PCSK5: variants seen among roughly 807,000 people sequenced by gnomAD.
PCSK5 encodes proprotein convertase subtilisin/kexin type 5, also known as prohormone convertase 5.
Under a neutral mutation model 233.2 loss-of-function variants are expected in PCSK5, and 129 were observed. That is an observed-to-expected ratio of 0.55 (90% CI 0.48 to 0.64). PCSK5 has a LOEUF of 0.64. PCSK5 is among the 30% of genes least tolerant of loss of function. The pLI, the probability that PCSK5 is intolerant of heterozygous loss-of-function variation, is 0.00. For synonymous variants in PCSK5, 825 were observed against 879.2 expected (o/e 0.94, Z 1.09); for missense variants, 2,076 against 2,430.1 (o/e 0.85, Z 3.06).
At chr9:76,235,706 A>T (rs1426211217) in intron 22 of PCSK5, among the ~76,000 whole-genome samples, 2 of 152,224 alleles carry the variant, frequency 1.3e-5, no homozygotes. Context: ...ATCCTATCCC[A>T]GATCAGAGAA....
At chr9:75,986,990 A>G (rs1418862318) in intron 3 of PCSK5, among the ~76,000 whole-genome samples, 2 of 152,194 alleles carry the variant, frequency 1.3e-5, no homozygotes, top group East Asian at 3.8e-4. Context: ...TAATGTGTAA[A>G]TCACCCTTTA....
At chr9:76,158,962 C>CA in intron 11 of PCSK5, 21 bp from the exon 12 acceptor site, 1 of 1,604,614 alleles carries the variant, frequency 6.2e-7, no homozygotes, top group South Asian at 1.1e-5. Context: ...TGCTCAAACT[C>CA]TCCATCTCTC....
intron 10 of PCSK5, among the ~76,000 whole-genome samples, chr9:76,147,714 T>C (rs1823497123): frequency 2.0e-5 from 3 of 152,162 alleles, no homozygotes; most frequent in African/African-American, 4.8e-5. Context: ...GGAAGTGCCA[T>C]CCTTAGAAGA....
rs753038865 is a variant in PCSK5 at position 76,358,469 on chromosome 9, A to G, written c.5255-44A>G. The stretch of plus-strand genomic sequence containing the variant: ...TAATTTTCTCTATTCTATTTCTTTC[A>G]CTTTTTCCCTCTTGCCTCTTCCTTT... On this transcript the variant is annotated intron_variant, in intron 37 of 37. Transcript: ENST00000674117. The G allele has an allele frequency of 1.0e-5, 15 of 1,498,520 alleles. No individual in the cohort carries two copies. In the Admixed American group the frequency reaches 3.0e-4, roughly 30 times the overall value. The allele number at this position is 1,498,520 out of a possible 1,614,324, so 92.8% of individuals were successfully genotyped here.
intron 1 of PCSK5, among the ~76,000 whole-genome samples, chr9:75,913,188 C>G (rs1345870099): frequency 6.6e-6 from 1 of 152,160 alleles, no homozygotes; most frequent in African/African-American, 2.4e-5. Context: ...CTGGCTGTTC[C>G]CACAGAGCTC....
At chr9:76,040,540 C>A (rs559410527) in intron 5 of PCSK5, among the ~76,000 whole-genome samples, 1 of 152,248 alleles carries the variant, frequency 6.6e-6, no homozygotes, top group Non-Finnish European at 1.5e-5. Context: ...TTCTGCTTAA[C>A]TCAGTCAGTT....
intron 8 of PCSK5, among the ~76,000 whole-genome samples, chr9:76,097,303 A>ACTGC (rs1435899350): frequency 9.4e-6 from 1 of 106,374 alleles, no homozygotes; most frequent in African/African-American, 4.2e-5. Flanking sequence ...CCCAGGCGGG[A>ACTGC]CTGCGGACTG....
At chr9:75,993,855 C>T (rs1826879067) in intron 3 of PCSK5, among the ~76,000 whole-genome samples, 1 of 152,188 alleles carries the variant, frequency 6.6e-6, no homozygotes, top group African/African-American at 2.4e-5. Context: ...ACCAGGGAAG[C>T]TCATTAGAGA....
intron 1 of PCSK5, among the ~76,000 whole-genome samples, chr9:75,926,937 A>T (rs1823519716): frequency 6.6e-6 from 1 of 152,158 alleles, no homozygotes; most frequent in South Asian, 2.1e-4. Flanking sequence ...GTGAACGTTT[A>T]TGAGTTTTGT....
chr9:76,188,946 G>A (rs527573314), intron 18 of PCSK5, 148 bp from the exon 19 acceptor site: 1 of 737,140 alleles, frequency 1.4e-6, no homozygotes, highest in Non-Finnish European at 2.1e-6. Context: ...AACTTTGAAG[G>A]CTTTTTTCCC....
At chr9:76,007,117 T>G (rs1458486915) in intron 3 of PCSK5, among the ~76,000 whole-genome samples, 1 of 152,212 alleles carries the variant, frequency 6.6e-6, no homozygotes, top group African/African-American at 2.4e-5. Context: ...TTGTAATTAG[T>G]TTTTATTTCT....
intron 5 of PCSK5, among the ~76,000 whole-genome samples, chr9:76,052,269 A>G (rs1221260307): frequency 2.0e-5 from 3 of 152,186 alleles, no homozygotes; most frequent in Non-Finnish European, 4.4e-5. Flanking sequence ...AAACATATAT[A>G]CATACATAAA....
chr9:76,248,315 G>T (rs943808205), intron 24 of PCSK5, among the ~76,000 whole-genome samples: 5 of 151,996 alleles, frequency 3.3e-5, no homozygotes, highest in African/African-American at 1.2e-4. Flanking sequence ...AGTGTGAATG[G>T]ACTCCCACTA....
chr9:76,310,892 T>C, intron 30 of PCSK5, 41 bp downstream of exon 30: 1 of 1,326,882 alleles, frequency 7.5e-7, no homozygotes, highest in Non-Finnish European at 1.0e-6. Flanking sequence ...TTGTAATCAC[T>C]CTCCTCTGGT....
rs1296532485 is a variant in PCSK5, at chr9:76,023,747, G to A, written c.421G>A (p.Asp141Asn). ...GCTCTTCTTCTTTCAGCACTGCAGT[G>A]ACAATACACATCCCTGCCAGTCTGA... ...WPSMWYMHCS[D>N]NTHPCQSDMN... Residue 141 changes from aspartate (D) to asparagine (N), a missense_variant, in exon 4 of 38, where the codon GAC becomes AAC. Transcript: ENST00000674117. The A allele has an allele frequency of 3.7e-6, 6 of 1,611,532 alleles. No homozygotes were observed. The highest frequency in any genetic ancestry group is 5.1e-6 in the Non-Finnish European group (6 of 1,178,760).
chr9:75,890,159 G>T (rs79267113), upstream of PCSK5, among the ~76,000 whole-genome samples: 1,598 of 152,302 alleles, frequency 0.01, 20 homozygotes, highest in Non-Finnish European at 0.016. Context: ...GAGTCGATGC[G>T]ACTTACTGTC....
chr9:76,219,740 G>GAAA (rs1825661655), intron 20 of PCSK5, among the ~76,000 whole-genome samples: 4 of 152,216 alleles, frequency 2.6e-5, no homozygotes, highest in Non-Finnish European at 5.9e-5. Context: ...TGTGGAGAGA[G>GAAA]GCCCCCTTTC....
intron 24 of PCSK5, among the ~76,000 whole-genome samples, chr9:76,282,473 A>G (rs1827912705): frequency 1.3e-5 from 2 of 149,200 alleles, no homozygotes; most frequent in South Asian, 2.1e-4. Context: ...GCACTTGCCA[A>G]TATGCCCAGC....
chr9:75,926,378 G>T (rs566643786), intron 1 of PCSK5, among the ~76,000 whole-genome samples: 3 of 152,244 alleles, frequency 2.0e-5, no homozygotes, highest in South Asian at 2.1e-4. Flanking sequence ...GCCCTAATTT[G>T]TGACCTTTGC....
Sources: allele counts gnomAD v4.1 joint callset (sites outside exome capture counted in the v4.1 genomes callset), GRCh38; gene constraint gnomAD v4.1.1; transcripts MANE v1.5; gene names NCBI Gene and HGNC (gene_info 2026-07-23, HGNC 2026-07-21).